BANK1: variants seen among roughly 807,000 people sequenced by gnomAD.
The protein encoded by BANK1 is B-cell scaffold protein with ankyrin repeats.
In BANK1, 95 loss-of-function variants were observed where a neutral mutation model predicts 94.5. The observed-to-expected ratio is 1.00, with a 90% CI of 0.85 to 1.19. BANK1 has a LOEUF of 1.19. BANK1 is among the 50% of genes most tolerant of loss of function. The pLI is 0.00. For missense variants in BANK1, 987 were observed against 932.2 expected (o/e 1.06, Z -0.77); for synonymous variants, 334 against 308.4 (o/e 1.08, Z -0.87).
At chr4:102,063,023 A>T in intron 12 of BANK1, 52 bp from the exon 13 acceptor site, 1 of 1,429,500 alleles carries the variant, frequency 7.0e-7, no homozygotes, top group East Asian at 2.3e-5. Flanking sequence ...TTTCATCTTG[A>T]TCCATAAAAA....
At chr4:101,852,690 A>G (rs187705130) in intron 2 of BANK1, among the ~76,000 whole-genome samples, 7 of 151,706 alleles carry the variant, frequency 4.6e-5, no homozygotes, top group African/African-American at 1.4e-4. Context: ...CTTTGATAGA[A>G]TTATTAGTTT....
chr4:101,937,744 T>C (rs578225139), intron 7 of BANK1, among the ~76,000 whole-genome samples: 55 of 152,064 alleles, frequency 3.6e-4, no homozygotes, highest in African/African-American at 1.3e-3. Context: ...TACTGGTATA[T>C]ACCCAGAGGA....
chr4:102,000,042 G>A (rs1019776753), intron 7 of BANK1, among the ~76,000 whole-genome samples: 9 of 152,040 alleles, frequency 5.9e-5, no homozygotes, highest in African/African-American at 9.7e-5. Flanking sequence ...AGAGATACCC[G>A]GGTGCAGTGG....
chr4:102,046,681 A>C (rs1727890452), intron 11 of BANK1, among the ~76,000 whole-genome samples: 1 of 152,164 alleles, frequency 6.6e-6, no homozygotes, highest in South Asian at 2.1e-4. Flanking sequence ...TTCTTGAACA[A>C]TTATTTGTTA....
chr4:101,878,533 G>T (rs1364330839), intron 5 of BANK1, among the ~76,000 whole-genome samples: 1 of 152,094 alleles, frequency 6.6e-6, no homozygotes, highest in Non-Finnish European at 1.5e-5. Flanking sequence ...CTCAATTTCA[G>T]CATCGGACAG....
intron 7 of BANK1, among the ~76,000 whole-genome samples, chr4:101,991,602 T>C (rs1423573347): frequency 6.6e-6 from 1 of 152,202 alleles, no homozygotes; most frequent in Non-Finnish European, 1.5e-5. Flanking sequence ...AATTAGCCTA[T>C]GGACAAGTGA....
At chr4:101,905,442 C>T (rs1007825056) in intron 6 of BANK1, among the ~76,000 whole-genome samples, 5 of 152,198 alleles carry the variant, frequency 3.3e-5, no homozygotes, top group Non-Finnish European at 7.4e-5. Flanking sequence ...TTCCCGAAAT[C>T]GGGTTCCCAT....
intron 7 of BANK1, 97 bp from the exon 8 acceptor site, chr4:102,021,417 A>G (rs1261249134): frequency 6.6e-6 from 3 of 456,100 alleles, no homozygotes; most frequent in Non-Finnish European, 1.2e-5. Context: ...GTAATATAAT[A>G]TTTAAATAAA....
chr4:101,823,682 G>A (rs570318715), intron 1 of BANK1, among the ~76,000 whole-genome samples: 16 of 152,258 alleles, frequency 1.1e-4, no homozygotes, highest in Non-Finnish European at 7.4e-5. Context: ...TTAATGCCAA[G>A]CTTTTTTATA....
rs10580633 is a variant in BANK1, at chr4:101,958,422, CTTT to C, written c.1206+40244_1206+40246del. Among the ~76,000 whole-genome samples, 120 of 137,450 alleles carry C rather than the reference CTTT, an allele frequency of 8.7e-4. No individual in the cohort carries two copies. In the East Asian group the frequency reaches 0.02, roughly 23 times the overall value. The allele number at this position is 137,450 out of a possible 152,430, so 90.2% of individuals were successfully genotyped here. On this transcript the variant is annotated intron_variant, in intron 7 of 16. Transcript: ENST00000322953. The stretch of plus-strand genomic sequence containing the variant: ...CCTTTTTACTGTCATGCTACAAACA[CTTT>C]TTTTTTTTTTGTCTTTGCTTTGCAG...
chr4:102,002,544 T>TACACAC lies in BANK1; in HGVS notation c.1207-18930_1207-18925dup, dbSNP rs10559889. ...TGATGGTAGACAATATTAATACAAATACACACACACACACACACACACACA... is the reference window on the plus strand; with the variant it reads ...TGATGGTAGACAATATTAATACAAATACACACACACACACACACACACACACACACA... On this transcript the variant is annotated intron_variant, in intron 7 of 16. Transcript: ENST00000322953. Among the ~76,000 whole-genome samples, 53 of 148,132 alleles carry TACACAC rather than the reference T, an allele frequency of 3.6e-4. No individual in the cohort carries two copies. In the East Asian group the frequency reaches 9.5e-3, roughly 27 times the overall value.
At chr4:101,989,606 C>T (rs907514162) in intron 7 of BANK1, among the ~76,000 whole-genome samples, 7 of 151,764 alleles carry the variant, frequency 4.6e-5, no homozygotes, top group African/African-American at 1.7e-4. Flanking sequence ...CATTTAGCGT[C>T]GTGTCTCCTG....
At chr4:101,832,951 C>A (rs1310826128) in intron 2 of BANK1, among the ~76,000 whole-genome samples, 2 of 145,848 alleles carry the variant, frequency 1.4e-5, no homozygotes, top group South Asian at 2.3e-4. Context: ...CTTTTAGTAT[C>A]TTTATATAGA....
intron 5 of BANK1, among the ~76,000 whole-genome samples, chr4:101,887,675 C>T (rs1328344563): frequency 6.6e-6 from 1 of 152,092 alleles, no homozygotes; most frequent in Admixed American, 6.5e-5. Context: ...TGTAATAATA[C>T]CACTTGCAAG....
chr4:101,811,717 T>A, intron 1 of BANK1, among the ~76,000 whole-genome samples: 1 of 152,094 alleles, frequency 6.6e-6, no homozygotes, highest in East Asian at 1.9e-4. Flanking sequence ...GATTTGTAAA[T>A]TTTTCAGTTC....
chr4:102,057,277 GCT>G (rs1179416462), intron 11 of BANK1, among the ~76,000 whole-genome samples: 2 of 128,936 alleles, frequency 1.6e-5, no homozygotes, highest in Non-Finnish European at 3.4e-5. Flanking sequence ...TCTCTCTCCT[GCT>G]CTCTCTCTCT....
At chr4:101,837,671 T>G (rs1467021623) in intron 2 of BANK1, among the ~76,000 whole-genome samples, 3 of 152,180 alleles carry the variant, frequency 2.0e-5, no homozygotes, top group African/African-American at 7.2e-5. Context: ...TTTCATTTTG[T>G]TTTTTAAAAT....
chr4:101,954,153 G>A (rs532609575), intron 7 of BANK1, among the ~76,000 whole-genome samples: 15 of 152,066 alleles, frequency 9.9e-5, no homozygotes, highest in East Asian at 7.7e-4. Flanking sequence ...CTCTGTGTCC[G>A]TGTCTTCACA....
chr4:101,865,295 A>G (rs1395315354), intron 4 of BANK1, among the ~76,000 whole-genome samples: 2 of 152,160 alleles, frequency 1.3e-5, no homozygotes, highest in African/African-American at 4.8e-5. Flanking sequence ...GGAGCACTTA[A>G]GTGTTAATTT....
Sources: gnomAD v4.1 joint callset for allele counts (sites outside exome capture counted in the v4.1 genomes callset) on GRCh38, gnomAD v4.1.1 for gene constraint, MANE v1.5 for transcripts, NCBI Gene and HGNC (gene_info 2026-07-23, HGNC 2026-07-21) for gene names.